MAGI3: variants seen among roughly 807,000 people sequenced by gnomAD.
MAGI3 encodes the protein membrane associated guanylate kinase, WW and PDZ domain containing 3.
Under a neutral mutation model 121.8 loss-of-function variants are expected in MAGI3, and 43 were observed. The ratio of observed to expected loss-of-function variants is 0.35; its 90% CI spans 0.28 to 0.46. The LOEUF (loss-of-function observed/expected upper bound fraction) is 0.46. Among genes scored for constraint, MAGI3 ranks in the 20% least tolerant of loss-of-function variants. MAGI3 has a pLI of 1.00. For synonymous variants in MAGI3, 553 were observed against 639.3 expected (o/e 0.86, Z 2.04); for missense variants, 1,547 against 1,797.3 (o/e 0.86, Z 2.52).
At chr1:113,402,412 ATAGC>A (rs1278889515) in intron 1 of MAGI3, among the ~76,000 whole-genome samples, 1 of 152,204 alleles carries the variant, frequency 6.6e-6, no homozygotes, top group Non-Finnish European at 1.5e-5. Flanking sequence ...AGCTGGTATA[ATAGC>A]TGAATAGTTA....
In MAGI3 at chr1:113,588,529, A is replaced by G. The variant is rs192930239; in HGVS notation, c.764-1955A>G. ...AGAAACGATTATGGGGTTTTGATTC[A>G]AAGAGTAACATGGTACAACAGTTTT... On this transcript the variant is annotated intron_variant, in intron 4 of 20. Coordinates refer to ENST00000307546, the MANE Select transcript of MAGI3 (RefSeq NM_001142782.2). 1.6e-4 allele frequency among the ~76,000 whole-genome samples: 24 copies of G among 152,302 alleles called. No homozygotes were observed. In the East Asian group the frequency reaches 4.4e-3, roughly 28 times the overall value.
At chr1:113,590,704 G>A (rs765926309) in intron 5 of MAGI3, 46 bp downstream of exon 5, 1 of 1,516,376 alleles carries the variant, frequency 6.6e-7, no homozygotes, top group Admixed American at 2.3e-5. Flanking sequence ...AACATGTTGA[G>A]GATTGTCTAA....
chr1:113,645,867 G>A (rs915526051), intron 11 of MAGI3, among the ~76,000 whole-genome samples: 1 of 152,124 alleles, frequency 6.6e-6, no homozygotes, highest in Non-Finnish European at 1.5e-5. Flanking sequence ...GTTATCTTGG[G>A]AAAGTTCTAG....
chr1:113,516,198 C>G (rs1657890112), intron 1 of MAGI3, among the ~76,000 whole-genome samples: 1 of 151,924 alleles, frequency 6.6e-6, no homozygotes, highest in Admixed American at 6.6e-5. Flanking sequence ...GTTCTGTCAG[C>G]TGACAAGGTC....
intron 20 of MAGI3, chr1:113,682,190 G>C: frequency 6.3e-7 from 1 of 1,584,368 alleles, no homozygotes; most frequent in Non-Finnish European, 8.6e-7. Flanking sequence ...ATAGTCCTAG[G>C]CTTTTTCTCT....
At chr1:113,470,003 C>T (rs1025531521) in intron 1 of MAGI3, among the ~76,000 whole-genome samples, 1 of 152,056 alleles carries the variant, frequency 6.6e-6, no homozygotes, top group Non-Finnish European at 1.5e-5. Flanking sequence ...TTTCTGTTTA[C>T]GTGATTCTTT....
chr1:113,429,218 A>G (rs1010672462), intron 1 of MAGI3, among the ~76,000 whole-genome samples: 2 of 152,208 alleles, frequency 1.3e-5, no homozygotes, highest in African/African-American at 2.4e-5. Flanking sequence ...ATCACAGTTT[A>G]CTACTGTTTA....
chr1:113,429,981 C>G (rs1284233560), intron 1 of MAGI3, among the ~76,000 whole-genome samples: 2 of 152,062 alleles, frequency 1.3e-5, no homozygotes, highest in African/African-American at 4.8e-5. Flanking sequence ...CTTAGTGTTT[C>G]AGAAACACTA....
At chr1:113,666,612 A>G (rs1189534763) in intron 16 of MAGI3, among the ~76,000 whole-genome samples, 1 of 152,202 alleles carries the variant, frequency 6.6e-6, no homozygotes, top group African/African-American at 2.4e-5. Context: ...AAAGTCATCC[A>G]TGGGAACTAG....
chr1:113,418,415 T>C (rs893352313), intron 1 of MAGI3, among the ~76,000 whole-genome samples: 1 of 152,154 alleles, frequency 6.6e-6, no homozygotes, highest in Non-Finnish European at 1.5e-5. Context: ...CTTGTGCTAT[T>C]TCACTAATCT....
intron 1 of MAGI3, among the ~76,000 whole-genome samples, chr1:113,428,024 G>A (rs1319481936): frequency 6.6e-6 from 1 of 152,070 alleles, no homozygotes; most frequent in Non-Finnish European, 1.5e-5. Context: ...GTGTGTGTGT[G>A]TCCCCATTCC....
intron 9 of MAGI3, among the ~76,000 whole-genome samples, chr1:113,639,972 G>T (rs12753351): frequency 1.2e-4 from 19 of 152,068 alleles, no homozygotes; most frequent in African/African-American, 4.3e-4. Context: ...GAGCCGCTGC[G>T]CCTGGCCTGA....
intron 1 of MAGI3, among the ~76,000 whole-genome samples, chr1:113,474,003 TTC>T (rs145873062): frequency 0.15 from 23,110 of 152,156 alleles, 2,758 homozygotes; most frequent in East Asian, 0.62. Context: ...TGATTTGCAT[TTC>T]TCTGATGACC....
rs1350922125 is a variant in MAGI3, at chr1:113,641,908, C to T, written c.1361-3C>T. 21 of 1,531,820 alleles carry T rather than the reference C, an allele frequency of 1.4e-5. No homozygotes were observed. The highest frequency in any genetic ancestry group is 9.1e-5 in the South Asian group (7 of 76,836). 94.9% of individuals were successfully genotyped at this position (1,531,820 alleles called of 1,614,324 possible). On this transcript the variant is annotated splice_region_variant and splice_polypyrimidine_tract_variant and intron_variant, in intron 9 of 20. Coordinates refer to ENST00000307546, the MANE Select transcript of MAGI3 (RefSeq NM_001142782.2). ...TATTTTTAACATGATTATGTTTTTC[C>T]AGGCGATGTTATTGTAGACATCAAT...
chr1:113,479,761 A>T (rs1363467748), intron 1 of MAGI3, among the ~76,000 whole-genome samples: 1 of 151,964 alleles, frequency 6.6e-6, no homozygotes, highest in African/African-American at 2.4e-5. Context: ...AGTGCCATAG[A>T]CTATCTTCAC....
intron 1 of MAGI3, among the ~76,000 whole-genome samples, chr1:113,402,191 A>G (rs1037220417): frequency 2.6e-5 from 4 of 152,166 alleles, no homozygotes; most frequent in Admixed American, 1.3e-4. Flanking sequence ...CTGTTTCTTT[A>G]TGAAATCTGC....
chr1:113,684,198 C>G lies in MAGI3; in HGVS notation c.*184C>G, dbSNP rs932675599. The G allele has an allele frequency of 5.1e-5, 31 of 603,066 alleles. No homozygotes were observed. Among genetic ancestry groups the G allele is most frequent in the Non-Finnish European group, 7.3e-5 (28 of 385,914 alleles). The allele number at this position is 603,066 out of a possible 1,614,324, so 37.4% of individuals were successfully genotyped here. A position where few individuals can be genotyped will look rare whatever the true frequency, so the allele number is the denominator to read the frequency against. ...TGCTAAGAACCAACTGTCCCCCTGG[C>G]CGGCTGCCCTCCCTCGCTCTCAGGA... On this transcript the variant is annotated 3_prime_UTR_variant, in exon 21 of 21. Transcript: ENST00000307546.
At chr1:113,460,839 C>T (rs1280471312) in intron 1 of MAGI3, among the ~76,000 whole-genome samples, 2 of 151,610 alleles carry the variant, frequency 1.3e-5, no homozygotes, top group Admixed American at 1.3e-4. Context: ...ACCCCATAGG[C>T]TCAGCTTGAA....
intron 19 of MAGI3, among the ~76,000 whole-genome samples, chr1:113,679,796 C>A (rs1393392763): frequency 6.6e-6 from 1 of 151,840 alleles, no homozygotes; most frequent in Non-Finnish European, 1.5e-5. Context: ...ACCTCCACCT[C>A]CCAGGTTCAA....
Sources: allele counts gnomAD v4.1 joint callset (sites outside exome capture counted in the v4.1 genomes callset), GRCh38; gene constraint gnomAD v4.1.1; transcripts MANE v1.5; gene names NCBI Gene and HGNC (gene_info 2026-07-23, HGNC 2026-07-21).